Variants in GRIA4 observed in about 807,000 individuals in gnomAD.
GRIA4 encodes glutamate ionotropic receptor AMPA type subunit 4.
In GRIA4, 34 loss-of-function variants were observed where a neutral mutation model predicts 104.0. The observed-to-expected ratio is 0.33, with a 90% CI of 0.25 to 0.44. The LOEUF is 0.44. Among genes scored for constraint, GRIA4 ranks in the 20% least tolerant of loss-of-function variants. GRIA4 has a pLI of 1.00. For synonymous variants in GRIA4, 386 were observed against 381.9 expected (o/e 1.01, Z -0.13); for missense variants, 750 against 1,096.5 (o/e 0.68, Z 4.46).
At chr11:105,753,781 G>C (rs1258214869) in intron 4 of GRIA4, among the ~76,000 whole-genome samples, 2 of 151,978 alleles carry the variant, frequency 1.3e-5, no homozygotes, top group Non-Finnish European at 2.9e-5. Context: ...TCAGTGCTCA[G>C]GAAAAACACT....
intron 3 of GRIA4, among the ~76,000 whole-genome samples, chr11:105,681,135 T>C (rs957954307): frequency 6.6e-6 from 1 of 152,236 alleles, no homozygotes; most frequent in African/African-American, 2.4e-5. Context: ...GAGCATATGA[T>C]CCTTGGGGAG....
At chr11:105,756,641 T>C (rs1940327210) in intron 4 of GRIA4, among the ~76,000 whole-genome samples, 1 of 151,272 alleles carries the variant, frequency 6.6e-6, no homozygotes, top group African/African-American at 2.4e-5. Flanking sequence ...AAAAAACTTA[T>C]GTCCTAACCA....
At chr11:105,661,626 C>T (rs149149405) in intron 3 of GRIA4, among the ~76,000 whole-genome samples, 49 of 151,456 alleles carry the variant, frequency 3.2e-4, no homozygotes, top group African/African-American at 1.1e-3. Context: ...TACATGTTGA[C>T]GTATAAATTG....
chr11:105,928,068 A>G (rs1372349924), intron 13 of GRIA4, among the ~76,000 whole-genome samples: 1 of 152,042 alleles, frequency 6.6e-6, no homozygotes, highest in Non-Finnish European at 1.5e-5. Context: ...TAACAATTAT[A>G]AACAACAAAA....
At chr11:105,720,420 C>A (rs1432399091) in intron 3 of GRIA4, among the ~76,000 whole-genome samples, 1 of 151,988 alleles carries the variant, frequency 6.6e-6, no homozygotes, top group African/African-American at 2.4e-5. Flanking sequence ...ATCTGTGATT[C>A]TATCCAAACC....
chr11:105,842,986 A>G (rs1180312742), intron 4 of GRIA4: 2 of 152,174 alleles, frequency 1.3e-5, no homozygotes, highest in Non-Finnish European at 1.5e-5. Flanking sequence ...CCTTTGCTCT[A>G]TTCTGCAAAT....
At chr11:105,699,357 C>T (rs1011580555) in intron 3 of GRIA4, among the ~76,000 whole-genome samples, 4 of 152,110 alleles carry the variant, frequency 2.6e-5, no homozygotes, top group African/African-American at 9.7e-5. Flanking sequence ...ACACTAGCTG[C>T]ACTCTCTATA....
At chr11:105,681,249 A>G (rs1351921317) in intron 3 of GRIA4, among the ~76,000 whole-genome samples, 2 of 152,246 alleles carry the variant, frequency 1.3e-5, no homozygotes, top group African/African-American at 4.8e-5. Context: ...TGCTAAAATT[A>G]GAGATTTCAA....
intron 4 of GRIA4, 57 bp from the exon 5 acceptor site, chr11:105,861,967 T>C (rs908599731): frequency 5.8e-6 from 6 of 1,033,236 alleles, no homozygotes; most frequent in Admixed American, 1.9e-5. Flanking sequence ...AGTACCTGCA[T>C]ACATCATTAA....
chr11:105,631,273 T>C (rs914780645), intron 3 of GRIA4, among the ~76,000 whole-genome samples: 4 of 152,162 alleles, frequency 2.6e-5, no homozygotes, highest in Non-Finnish European at 5.9e-5. Context: ...CATGTATCTA[T>C]AATGTACTTT....
At chr11:105,904,680 T>C (rs772497311) in intron 8 of GRIA4, among the ~76,000 whole-genome samples, 2 of 152,160 alleles carry the variant, frequency 1.3e-5, no homozygotes, top group African/African-American at 2.4e-5. Context: ...TGTTCTGAAA[T>C]GTCACAGGTT....
At chr11:105,773,538 G>C (rs1941311841) in intron 4 of GRIA4, among the ~76,000 whole-genome samples, 1 of 152,076 alleles carries the variant, frequency 6.6e-6, no homozygotes, top group South Asian at 2.1e-4. Flanking sequence ...ATCATTAGAA[G>C]TAGCCCTCCA....
chr11:105,677,693 C>G (rs1051590552), intron 3 of GRIA4, among the ~76,000 whole-genome samples: 2 of 151,882 alleles, frequency 1.3e-5, no homozygotes, highest in Non-Finnish European at 2.9e-5. Flanking sequence ...AAAATTAGCA[C>G]AGCCATGCAG....
intron 16 of GRIA4, among the ~76,000 whole-genome samples, chr11:105,979,133 A>G (rs983548862): frequency 6.6e-6 from 1 of 152,232 alleles, no homozygotes; most frequent in Non-Finnish European, 1.5e-5. Flanking sequence ...TGAATAGTCT[A>G]TACATATCGT....
chr11:105,652,948 C>T (rs1951725106), intron 3 of GRIA4, among the ~76,000 whole-genome samples: 2 of 152,116 alleles, frequency 1.3e-5, no homozygotes, highest in Non-Finnish European at 2.9e-5. Flanking sequence ...GGCTCTGTCA[C>T]CCAGGCTGGA....
At chr11:105,728,822 A>G (rs1042117456) in intron 3 of GRIA4, among the ~76,000 whole-genome samples, 2 of 152,168 alleles carry the variant, frequency 1.3e-5, no homozygotes, top group African/African-American at 4.8e-5. Context: ...AAGACACAAC[A>G]TACCAAAATC....
At chr11:105,801,626 A>T (rs1240506351) in intron 4 of GRIA4, among the ~76,000 whole-genome samples, 2 of 152,072 alleles carry the variant, frequency 1.3e-5, no homozygotes, top group African/African-American at 4.8e-5. Context: ...TTGAGTTAAA[A>T]ATAATAGCCA....
intron 13 of GRIA4, among the ~76,000 whole-genome samples, chr11:105,927,779 T>C (rs892540557): frequency 6.6e-6 from 1 of 152,014 alleles, no homozygotes; most frequent in Non-Finnish European, 1.5e-5. Context: ...CAGATAGGCA[T>C]TCATTTTGTG....
chr11:105,945,448 G>C (rs1016157236), intron 14 of GRIA4: 7 of 881,312 alleles, frequency 7.9e-6, no homozygotes, highest in African/African-American at 1.8e-5. Flanking sequence ...TTAACTTTGG[G>C]TATTTCTCCC....
Sources: gnomAD v4.1 joint callset for allele counts (sites outside exome capture counted in the v4.1 genomes callset) on GRCh38, gnomAD v4.1.1 for gene constraint, MANE v1.5 for transcripts, NCBI Gene and HGNC (gene_info 2026-07-23, HGNC 2026-07-21) for gene names.